Variants in LDLRAD4 observed in about 807,000 individuals in gnomAD.
The protein encoded by LDLRAD4 is low-density lipoprotein receptor class A domain-containing protein 4.
Under a neutral mutation model 17.0 loss-of-function variants are expected in LDLRAD4, and 5 were observed. The observed-to-expected ratio is 0.29, with a 90% CI of 0.15 to 0.62. The LOEUF is 0.62. Among genes scored for constraint, LDLRAD4 ranks in the 20% least tolerant of loss-of-function variants. LDLRAD4 has a pLI of 0.84. For missense variants in LDLRAD4, 340 were observed against 424.7 expected (o/e 0.80, Z 1.75); for synonymous variants, 168 against 171.8 (o/e 0.98, Z 0.17).
At chr18:13,578,676 G>A (rs535935340) in intron 3 of LDLRAD4, among the ~76,000 whole-genome samples, 2 of 152,130 alleles carry the variant, frequency 1.3e-5, no homozygotes, top group Non-Finnish European at 2.9e-5. Flanking sequence ...TAAGATGCTG[G>A]TGCTGGCTTC....
At chr18:13,355,208 T>C (rs1016799679) in intron 1 of LDLRAD4, among the ~76,000 whole-genome samples, 1 of 152,250 alleles carries the variant, frequency 6.6e-6, no homozygotes, top group Non-Finnish European at 1.5e-5. Flanking sequence ...CAGATCTTAC[T>C]AATTTTTTAA....
chr18:13,417,973 G>A (rs1267113937), intron 2 of LDLRAD4, among the ~76,000 whole-genome samples: 1 of 152,198 alleles, frequency 6.6e-6, no homozygotes, highest in Non-Finnish European at 1.5e-5. Flanking sequence ...TATCCACGGA[G>A]GAAGTGAGGA....
chr18:13,277,814 G>A (rs1403010632), upstream of LDLRAD4, among the ~76,000 whole-genome samples: 2 of 152,198 alleles, frequency 1.3e-5, no homozygotes, highest in South Asian at 2.1e-4. Context: ...GAGGAGGCCC[G>A]TGCCTCTGCA....
intron 3 of LDLRAD4, among the ~76,000 whole-genome samples, chr18:13,459,371 G>GTTTTTTTTTTTTTT (rs71366053): frequency 6.8e-6 from 1 of 148,104 alleles, no homozygotes; most frequent in Non-Finnish European, 1.5e-5. Flanking sequence ...AACATTTGGT[G>GTTTTTTTTTTTTTT]TTTTTTTTTT....
intron 2 of LDLRAD4, among the ~76,000 whole-genome samples, chr18:13,411,251 CA>C (rs71174170): frequency 0.092 from 9,779 of 105,888 alleles, 410 homozygotes; most frequent in African/African-American, 0.17. Flanking sequence ...GACCCTGTCT[CA>C]AAAAAAAAAA....
chr18:13,567,481 G>A (rs1284281105), intron 3 of LDLRAD4, among the ~76,000 whole-genome samples: 2 of 152,012 alleles, frequency 1.3e-5, no homozygotes, highest in African/African-American at 4.8e-5. Flanking sequence ...CAGGAGTTAC[G>A]CTTTTGCAGA....
intron 3 of LDLRAD4, among the ~76,000 whole-genome samples, chr18:13,571,066 C>T (rs1336525498): frequency 2.6e-5 from 4 of 152,116 alleles, no homozygotes; most frequent in African/African-American, 4.8e-5. Context: ...GCGATCCTCC[C>T]GCCTCAGCCT....
chr18:13,545,471 A>G (rs530786364), intron 3 of LDLRAD4, among the ~76,000 whole-genome samples: 87 of 152,254 alleles, frequency 5.7e-4, no homozygotes, highest in African/African-American at 1.8e-3. Flanking sequence ...GACCAATTCA[A>G]TGGCCCTCCA....
intron 1 of LDLRAD4, among the ~76,000 whole-genome samples, chr18:13,228,628 T>C (rs1049852656): frequency 1.3e-5 from 2 of 152,114 alleles, no homozygotes; most frequent in South Asian, 2.1e-4. Flanking sequence ...TCTTGACCCC[T>C]AGGCCAGGCA....
chr18:13,506,284 A>G (rs1485752189), intron 3 of LDLRAD4, among the ~76,000 whole-genome samples: 10 of 151,442 alleles, frequency 6.6e-5, no homozygotes, highest in Non-Finnish European at 1.3e-4. Context: ...GTTTTGTTAC[A>G]TATGTGTACA....
chr18:13,363,861 C>G (rs2083866892), intron 1 of LDLRAD4, among the ~76,000 whole-genome samples: 3 of 152,194 alleles, frequency 2.0e-5, no homozygotes, highest in African/African-American at 7.2e-5. Context: ...TTTGGTGGAA[C>G]TGTAATGCAG....
chr18:13,476,792 C>T (rs150982040), intron 3 of LDLRAD4, among the ~76,000 whole-genome samples: 6 of 152,288 alleles, frequency 3.9e-5, no homozygotes, highest in East Asian at 3.9e-4. Flanking sequence ...GCCCACTTCA[C>T]TCACTGTGGG....
intron 3 of LDLRAD4, among the ~76,000 whole-genome samples, chr18:13,516,990 C>T (rs1300769645): frequency 6.6e-6 from 1 of 152,188 alleles, no homozygotes; most frequent in African/African-American, 2.4e-5. Context: ...TCTGGGACTA[C>T]AGGCACATGC....
chr18:13,622,112 G>A lies in LDLRAD4; in HGVS notation c.336+841G>A, dbSNP rs988305083. ...GCTGAGCACAGGAGCCGGTCCTTAC[G>A]GAGCATCCCTCTTCAGGAACAGGGC... On this transcript the variant is annotated intron_variant, in intron 4 of 5. Coordinates refer to ENST00000359446, the Ensembl canonical transcript of LDLRAD4. This position sits in a 1 kb window ranked among gnomAD's most constrained non-coding sequence, Gnocchi z 5.3. Among the ~76,000 whole-genome samples the A allele has an allele frequency of 1.3e-4, 20 of 152,176 alleles. No individual in the cohort carries two copies. Among genetic ancestry groups the A allele is most frequent in the African/African-American group, 4.8e-4 (20 of 41,436 alleles).
intron 3 of LDLRAD4, among the ~76,000 whole-genome samples, chr18:13,479,604 G>C (rs2146922095): frequency 6.6e-6 from 1 of 151,836 alleles, no homozygotes; most frequent in South Asian, 2.1e-4. Context: ...CTGGGCAACA[G>C]AGTGAGACTC....
chr18:13,258,866 T>C (rs1165171521), intron 1 of LDLRAD4, among the ~76,000 whole-genome samples: 1 of 152,174 alleles, frequency 6.6e-6, no homozygotes, highest in African/African-American at 2.4e-5. Flanking sequence ...GCCTTTTACC[T>C]CTGTGAAAAG....
At chr18:13,377,198 A>G (rs2084980399) in intron 1 of LDLRAD4, among the ~76,000 whole-genome samples, 1 of 152,192 alleles carries the variant, frequency 6.6e-6, no homozygotes, top group Non-Finnish European at 1.5e-5. Context: ...GGTAACATCA[A>G]CGCCAGAGCC....
At chr18:13,226,180 C>CTGTTTTTTTTTTTTTTTTTT (rs71370946) in intron 1 of LDLRAD4, among the ~76,000 whole-genome samples, 1 of 52,188 alleles carries the variant, frequency 1.9e-5, no homozygotes, top group African/African-American at 7.8e-5. Context: ...CCATGCCTTG[C>CTGTTTTTTTTTTTTTTTTTT]TTTTTTTTTT....
At chr18:13,462,553 A>C (rs1404752884) in intron 3 of LDLRAD4, among the ~76,000 whole-genome samples, 1 of 152,192 alleles carries the variant, frequency 6.6e-6, no homozygotes, top group Admixed American at 6.5e-5. Context: ...AGTTGGAACT[A>C]ATTTTTTTGG....
Sources: gnomAD v4.1 joint callset for allele counts (sites outside exome capture counted in the v4.1 genomes callset) on GRCh38, gnomAD v4.1.1 for gene constraint, Gnocchi (gnomAD v3.1) non-coding constraint, MANE v1.5 for transcripts, NCBI Gene and HGNC (gene_info 2026-07-23, HGNC 2026-07-21) for gene names.